Variants in PYGL observed in about 807,000 individuals in gnomAD.
PYGL encodes glycogen phosphorylase L.
In PYGL, 90 loss-of-function variants were observed where a neutral mutation model predicts 100.1. That is an observed-to-expected ratio of 0.90 (90% CI 0.76 to 1.07). PYGL has a LOEUF of 1.07. Ranked by LOEUF, PYGL falls within the 50% of genes least tolerant of loss-of-function variation. The probability of loss-of-function intolerance (pLI) is 0.00; values close to 1 mark genes in which losing one functional copy is unlikely to be tolerated. For synonymous variants in PYGL, 373 were observed against 393.0 expected (o/e 0.95, Z 0.60); for missense variants, 1,016 against 1,057.6 (o/e 0.96, Z 0.55).
At chr14:50,926,623 G>C (rs1295998669) in intron 4 of PYGL, among the ~76,000 whole-genome samples, 1 of 148,608 alleles carries the variant, frequency 6.7e-6, no homozygotes, top group Non-Finnish European at 1.5e-5. Flanking sequence ...CTACTCAGGA[G>C]GCTGAGGCAA....
intron 3 of PYGL, among the ~76,000 whole-genome samples, chr14:50,933,749 T>TAC (rs2050625284): frequency 6.6e-6 from 1 of 151,892 alleles, no homozygotes. Flanking sequence ...TATACATATG[T>TAC]ACACACACAC....
chr14:50,912,927 C>A, intron 13 of PYGL, 102 bp downstream of exon 13: 3 of 1,102,064 alleles, frequency 2.7e-6, no homozygotes, highest in Non-Finnish European at 4.0e-6. Context: ...GCACTCCAGC[C>A]TGGGCAACAG....
chr14:50,908,894 C>A lies in PYGL; in HGVS notation c.2239G>T (p.Asp747Tyr). ...TGCTTGGGAGAAAAAAAGCCATTGT[C>A]AATTTGATCAATGACCAGCTTCAGC... ...PELKLVIDQIDNGFFSPKQPD... is the reference protein window; with the variant it reads ...PELKLVIDQIYNGFFSPKQPD... Residue 747 changes from aspartate to tyrosine, a missense_variant, in exon 18 of 20, where the codon GAC (aspartate) becomes TAC (tyrosine). Transcript: ENST00000216392. 2 of 1,450,654 alleles carry A rather than the reference C, an allele frequency of 1.4e-6. No individual in the cohort carries two copies. Among genetic ancestry groups the A allele is most frequent in the Non-Finnish European group, 1.9e-6 (2 of 1,070,826 alleles). 89.9% of individuals were successfully genotyped at this position (1,450,654 alleles called of 1,614,324 possible). A position where few individuals can be genotyped will look rare whatever the true frequency, so the allele number is the denominator to read the frequency against.
At chr14:50,919,837 AC>A (rs2050484738) in intron 7 of PYGL, among the ~76,000 whole-genome samples, 1 of 151,990 alleles carries the variant, frequency 6.6e-6, no homozygotes, top group South Asian at 2.1e-4. Flanking sequence ...GCCTACCATC[AC>A]ACCTGGCTAA....
At position 50,915,933 on chromosome 14, in the gene PYGL, G is replaced by C. The variant is rs113993977; in HGVS notation, c.1131C>G (p.Asn377Lys). ...CCAGGGCTTCCGGGAGCACTGTGTG[G>C]TTGGTGTAGGCGAAGGTCTTCTGGG... ...ELTQKTFAYT[N>K]HTVLPEALER... The change falls in exon 10 of 20, where the codon AAC becomes AAG. Residue 377 changes from asparagine (N) to lysine (K), a missense_variant. Asn to Lys is a moderately conservative substitution (Grantham distance 94). Coordinates refer to ENST00000216392, the MANE Select transcript of PYGL (RefSeq NM_002863.5). The C allele has an allele frequency of 6.2e-7, 1 of 1,614,268 alleles. No individual in the cohort carries two copies. The highest frequency in any genetic ancestry group is 8.5e-7 in the Non-Finnish European group (1 of 1,180,044).
chr14:50,935,872 C>A (rs1386823867), intron 2 of PYGL, among the ~76,000 whole-genome samples: 4 of 152,226 alleles, frequency 2.6e-5, no homozygotes, highest in Non-Finnish European at 5.9e-5. Flanking sequence ...TGCAGTCCTG[C>A]AATCCAGCTG....
Position 50,922,509 on chromosome 14 carries a change from C to T in PYGL, c.661-1442G>A, listed in dbSNP as rs80230243. On this transcript the variant is annotated intron_variant, in intron 5 of 19. Coordinates refer to ENST00000216392, the MANE Select transcript of PYGL (RefSeq NM_002863.5). ...GGCTGGGATTGAGTCTCGGTTCAAA[C>T]AAGAGTTGGACCCTTCTGACCCTTG... Among the ~76,000 whole-genome samples, 900 of 152,292 alleles carry T rather than the reference C, an allele frequency of 5.9e-3. 5 individuals carry two copies. Among genetic ancestry groups the T allele is most frequent in the Admixed American group, 0.01 (160 of 15,302 alleles).
chr14:50,915,338 T>C lies in PYGL; in HGVS notation c.1401A>G (p.Lys467=), dbSNP rs559331072. ...CTGCCAGAGTAATGGAGGCTCACACTTTAGTCTTCACGATGTCTGAGTGGA... is the reference window on the plus strand; with the variant it reads ...CTGCCAGAGTAATGGAGGCTCACACCTTAGTCTTCACGATGTCTGAGTGGA... ...AKIHSDIVKT[K]VFKDFSELEP... is the part of the protein sequence containing the mutation. The change falls in exon 11 of 20, where the codon AAA becomes AAG. Residue 467 remains lysine (K), a splice_region_variant and synonymous_variant. Transcript: ENST00000216392. The C allele has an allele frequency of 1.9e-6, 3 of 1,614,188 alleles. No individual in the cohort carries two copies. Among genetic ancestry groups the C allele is most frequent in the South Asian group, 2.2e-5 (2 of 91,084 alleles).
chr14:50,924,038 G>C lies in PYGL; in HGVS notation c.591C>G (p.Phe197Leu). Reference protein sequence around the residue: ...GNPWEKSRPEFMLPVHFYGKV... With the variant: ...GNPWEKSRPELMLPVHFYGKV... The stretch of plus-strand genomic sequence containing the variant: ...TTCCATAGAAGTGCACAGGCAGCAT[G>C]AATTCTGGGCGGGACTTCTCCCAAG... Residue 197 changes from phenylalanine to leucine, a missense_variant, in exon 5 of 20, where the codon TTC becomes TTG. Coordinates refer to ENST00000216392, the MANE Select transcript of PYGL (RefSeq NM_002863.5). The C allele has an allele frequency of 6.2e-7, 1 of 1,613,674 alleles. No homozygotes were observed. Among genetic ancestry groups the C allele is most frequent in the Non-Finnish European group, 8.5e-7 (1 of 1,179,588 alleles).
intron 13 of PYGL, 110 bp downstream of exon 13, chr14:50,912,919 A>T: frequency 2.0e-6 from 2 of 977,836 alleles, no homozygotes; most frequent in Non-Finnish European, 3.1e-6. Flanking sequence ...GTGCCACTGC[A>T]CTCCAGCCTG....
intron 3 of PYGL, 147 bp from the exon 4 acceptor site, chr14:50,931,923 G>T: frequency 1.5e-6 from 1 of 652,404 alleles, no homozygotes; most frequent in South Asian, 1.7e-5. Context: ...ACTGCACAAT[G>T]GGTATTGATT....
chr14:50,917,187 C>CT (rs2050461235), intron 7 of PYGL, 82 bp from the exon 8 acceptor site: 1 of 1,470,346 alleles, frequency 6.8e-7, no homozygotes, highest in Non-Finnish European at 9.5e-7. Flanking sequence ...GCACTAGGAA[C>CT]TTTAAGACTA....
intron 1 of PYGL, among the ~76,000 whole-genome samples, chr14:50,941,373 C>T (rs751649203): frequency 4.6e-5 from 7 of 152,158 alleles, no homozygotes; most frequent in Non-Finnish European, 1.0e-4. Flanking sequence ...CTCAGGCTGC[C>T]GGTTTTACCA....
chr14:50,941,975 A>G (rs187544071), intron 1 of PYGL, among the ~76,000 whole-genome samples: 4 of 152,180 alleles, frequency 2.6e-5, no homozygotes, highest in African/African-American at 9.7e-5. Flanking sequence ...AGATATCTAG[A>G]TATGTTCACT....
At chr14:50,913,528 C>G (rs988179471) in intron 12 of PYGL, among the ~76,000 whole-genome samples, 3 of 151,710 alleles carry the variant, frequency 2.0e-5, no homozygotes, top group Non-Finnish European at 4.4e-5. Context: ...CCTGCCACCA[C>G]GCCTGGCTAA....
rs2050443396 is a variant in PYGL, at chr14:50,915,891, G to A, written c.1173C>T (p.Asp391=). 6.2e-7 allele frequency: 1 copy of A among 1,614,180 alleles called. No homozygotes were observed. Among genetic ancestry groups the A allele is most frequent in the African/African-American group, 1.3e-5 (1 of 75,040 alleles). Residue 391 remains aspartate (D), a synonymous_variant, in exon 10 of 20, where the codon GAC becomes GAT. Coordinates refer to ENST00000216392, the MANE Select transcript of PYGL (RefSeq NM_002863.5). ...LPEALERWPV[D]LVEKLLPRHL... ...GTCGAGGGAGCAGCTTCTCCACCAG[G>A]TCCACGGGCCAGCGCTCCAGGGCTT...
chr14:50,917,529 G>A (rs527858354), intron 7 of PYGL, among the ~76,000 whole-genome samples: 44 of 152,326 alleles, frequency 2.9e-4, no homozygotes, highest in African/African-American at 1.1e-3. Context: ...AGAAGTGAAG[G>A]AAAAGGTTAA....
At chr14:50,931,299 A>T (rs542018443) in intron 4 of PYGL, among the ~76,000 whole-genome samples, 10 of 152,316 alleles carry the variant, frequency 6.6e-5, no homozygotes, top group African/African-American at 2.4e-4. Context: ...GCTTCCTATC[A>T]TCAAGGGTTC....
intron 4 of PYGL, among the ~76,000 whole-genome samples, chr14:50,925,439 G>A (rs528999361): frequency 1.3e-5 from 2 of 152,206 alleles, no homozygotes; most frequent in African/African-American, 4.8e-5. Context: ...CTCCAATATG[G>A]TTATTTTACC....
Sources: gnomAD v4.1 joint callset for allele counts (sites outside exome capture counted in the v4.1 genomes callset) on GRCh38, gnomAD v4.1.1 for gene constraint, MANE v1.5 for transcripts, NCBI Gene and HGNC (gene_info 2026-07-23, HGNC 2026-07-21) for gene names.